The following KPNA4 variants were observed in gnomAD, a reference collection of about 807,000 sequenced individuals.
KPNA4 encodes importin subunit alpha-3.
A neutral mutation model predicts 71.3 loss-of-function variants in KPNA4; 13 were observed. The ratio of observed to expected loss-of-function variants is 0.18; its 90% CI spans 0.12 to 0.29. The LOEUF (loss-of-function observed/expected upper bound fraction) is 0.29. KPNA4 is among the 10% of genes least tolerant of loss of function. KPNA4 has a pLI of 1.00. For missense variants in KPNA4, 334 were observed against 603.2 expected (o/e 0.55, Z 4.67); for synonymous variants, 189 against 195.2 (o/e 0.97, Z 0.26).
At chr3:160,555,812 T>A (rs916886442) in intron 1 of KPNA4, among the ~76,000 whole-genome samples, 1 of 151,906 alleles carries the variant, frequency 6.6e-6, no homozygotes, top group Admixed American at 6.6e-5. Context: ...TCTTTTATTT[T>A]ATTTATTTAA....
intron 16 of KPNA4, among the ~76,000 whole-genome samples, chr3:160,504,641 T>C (rs1273520542): frequency 6.6e-6 from 1 of 152,220 alleles, no homozygotes; most frequent in African/African-American, 2.4e-5. Flanking sequence ...AGTATCACTG[T>C]TTTGTTTATA....
At chr3:160,519,713 TGAACCCGG>T (rs1721305405) in intron 11 of KPNA4, among the ~76,000 whole-genome samples, 2 of 145,404 alleles carry the variant, frequency 1.4e-5, no homozygotes, top group Admixed American at 1.5e-4. Context: ...GAGAATGGCG[TGAACCCGG>T]GAAGCGGAGC....
chr3:160,533,529 T>C (rs889224599), intron 5 of KPNA4, among the ~76,000 whole-genome samples: 5 of 152,036 alleles, frequency 3.3e-5, no homozygotes, highest in South Asian at 2.1e-4. Context: ...GGGTCAAAAT[T>C]TAATTTAAAA....
rs1201485080 is a variant in KPNA4, at chr3:160,496,380, G to A, written c.*5724C>T. On this transcript the variant is annotated 3_prime_UTR_variant, in exon 17 of 17. Transcript: ENST00000334256. The stretch of plus-strand genomic sequence containing the variant: ...GGACAGTGAGGGAATTATCTGGAAG[G>A]TAGGTAACTGGATTGAGAACCACAA... 3 of 152,200 alleles carry A rather than the reference G, an allele frequency of 2.0e-5. No individual in the cohort carries two copies. In the East Asian group the frequency reaches 5.8e-4, roughly 29 times the overall value. The allele number at this position is 152,200 out of a possible 1,614,324, so 9.4% of individuals were successfully genotyped here. A position where few individuals can be genotyped will look rare whatever the true frequency, so the allele number is the denominator to read the frequency against.
chr3:160,502,979 C>A (rs1262923725), intron 16 of KPNA4, among the ~76,000 whole-genome samples: 1 of 152,098 alleles, frequency 6.6e-6, no homozygotes, highest in African/African-American at 2.4e-5. Flanking sequence ...GGCATGGTGG[C>A]ATGCGCCTAT....
In KPNA4 at chr3:160,514,015, TCA is replaced by T. The variant is rs113272705; in HGVS notation, c.1137+60_1137+61del. On this transcript the variant is annotated intron_variant, in intron 13 of 16. Transcript: ENST00000334256. ...AGAAAGTATAAATTCACATAATGTC[TCA>T]GATTTAAATCCCCTTCCCCTTACAT... 477 of 932,626 alleles carry T rather than the reference TCA, an allele frequency of 5.1e-4. 7 individuals are homozygous for T. In the African/African-American group the frequency reaches 6.7e-3, roughly 13 times the overall value. The allele number at this position is 932,626 out of a possible 1,614,324, so 57.8% of individuals were successfully genotyped here. A position where few individuals can be genotyped will look rare whatever the true frequency, so the allele number is the denominator to read the frequency against.
At position 160,497,294 on chromosome 3, in the gene KPNA4, A is replaced by T. The variant is rs537250708; in HGVS notation, c.*4810T>A. On this transcript the variant is annotated 3_prime_UTR_variant, in exon 17 of 17. Coordinates refer to ENST00000334256, the MANE Select transcript of KPNA4 (RefSeq NM_002268.5). ...GCCAGGCGTGGTAGCGTACTCCTGT[A>T]ATCCCAGCTACTCAGGAGGCTGAGG... 1 of 152,266 alleles carries T rather than the reference A, an allele frequency of 6.6e-6. No individual in the cohort carries two copies. The highest frequency in any genetic ancestry group is 2.1e-4 in the South Asian group (1 of 4,820). 9.4% of individuals were successfully genotyped at this position (152,266 alleles called of 1,614,324 possible).
At chr3:160,552,934 T>TA (rs1406793668) in intron 1 of KPNA4, among the ~76,000 whole-genome samples, 2 of 152,086 alleles carry the variant, frequency 1.3e-5, no homozygotes, top group Non-Finnish European at 2.9e-5. Context: ...GTATGGAAGC[T>TA]AAATGTGGTC....
chr3:160,558,549 A>G (rs1722183486), intron 1 of KPNA4, among the ~76,000 whole-genome samples: 1 of 152,186 alleles, frequency 6.6e-6, no homozygotes, highest in South Asian at 2.1e-4. Flanking sequence ...AAGTGACTCT[A>G]CAGTCCATGT....
intron 5 of KPNA4, 124 bp from the exon 6 acceptor site, chr3:160,531,681 TTAACAATTTATA>T (rs1277021914): frequency 8.8e-6 from 4 of 454,342 alleles, no homozygotes; most frequent in African/African-American, 8.1e-5. Context: ...TTCTCTGAAA[TTAACAATTTATA>T]TAATGCAACC....
chr3:160,508,318 G>A, intron 14 of KPNA4, 49 bp from the exon 15 acceptor site: 2 of 1,346,106 alleles, frequency 1.5e-6, no homozygotes, highest in Non-Finnish European at 2.0e-6. Context: ...TAAACTTTGT[G>A]TGCCATGTTA....
chr3:160,538,174 T>C (rs919644300), intron 1 of KPNA4, among the ~76,000 whole-genome samples: 1 of 150,530 alleles, frequency 6.6e-6, no homozygotes, highest in African/African-American at 2.4e-5. Flanking sequence ...TGTGTATATA[T>C]GTACATATAT....
At chr3:160,512,666 T>C (rs1158511999) in intron 13 of KPNA4, among the ~76,000 whole-genome samples, 1 of 152,168 alleles carries the variant, frequency 6.6e-6, no homozygotes, top group Non-Finnish European at 1.5e-5. Flanking sequence ...ACCGCATCTC[T>C]ACTAAAAATA....
rs1243570640 is a variant in KPNA4 at position 160,540,769 on chromosome 3, A to G, written c.70-3929T>C. On this transcript the variant is annotated intron_variant, in intron 1 of 16. Coordinates refer to ENST00000334256, the MANE Select transcript of KPNA4 (RefSeq NM_002268.5). Reference sequence around the variant, plus strand: ...TCCAGAAAGCTGACAAACTGGCCAAAGGCTTATGTATAGGCCAGAGAGCTA... The same window carrying G: ...TCCAGAAAGCTGACAAACTGGCCAAGGGCTTATGTATAGGCCAGAGAGCTA... 2.0e-5 allele frequency among the ~76,000 whole-genome samples: 3 copies of G among 152,208 alleles called. No homozygotes were observed. In the East Asian group the frequency reaches 5.8e-4, roughly 29 times the overall value.
chr3:160,544,538 T>C (rs944302697), intron 1 of KPNA4, among the ~76,000 whole-genome samples: 12 of 152,214 alleles, frequency 7.9e-5, no homozygotes, highest in Admixed American at 2.6e-4. Flanking sequence ...CATGCCAGCA[T>C]GGGTGACAGA....
At chr3:160,521,023 C>CAATAAAAAATAAATTTAAAT (rs1230752288) in intron 11 of KPNA4, among the ~76,000 whole-genome samples, 2 of 151,902 alleles carry the variant, frequency 1.3e-5, no homozygotes, top group Non-Finnish European at 2.9e-5. Context: ...AGAATTTAAA[C>CAATAAAAAATAAATTTAAAT]AATAAAAAAT....
At position 160,565,276 on chromosome 3, in the gene KPNA4, C is replaced by G. The variant is rs1406102421; in HGVS notation, c.7G>C (p.Asp3His). 6.2e-7 allele frequency: 1 copy of G among 1,603,216 alleles called. No individual in the cohort carries two copies. Among genetic ancestry groups the G allele is most frequent in the Non-Finnish European group, 8.5e-7 (1 of 1,175,092 alleles). The stretch of plus-strand genomic sequence containing the variant: ...CGTTGGTTGTCCAGTTTCTCGTTGT[C>G]CGCCATGGCCGGGCCGGTGACTCCT... MADNEKLDNQRLK... is the reference protein window; with the variant it reads MAHNEKLDNQRLK... Residue 3 changes from aspartate (D) to histidine (H), a missense_variant, in exon 1 of 17, where the codon GAC (aspartate) becomes CAC (histidine). Transcript: ENST00000334256.
chr3:160,563,218 T>C (rs78153468), intron 1 of KPNA4, among the ~76,000 whole-genome samples: 6,024 of 152,220 alleles, frequency 0.04, 369 homozygotes, highest in African/African-American at 0.13. Flanking sequence ...CCATGAAACA[T>C]TGATACATTC....
chr3:160,546,870 A>G (rs1022882529), intron 1 of KPNA4, among the ~76,000 whole-genome samples: 6 of 152,184 alleles, frequency 3.9e-5, no homozygotes, highest in Non-Finnish European at 7.3e-5. Context: ...ACAAAACTAA[A>G]ACTGAGCCCT....
Sources: gnomAD v4.1 joint callset for allele counts (sites outside exome capture counted in the v4.1 genomes callset) on GRCh38, gnomAD v4.1.1 for gene constraint, MANE v1.5 for transcripts, NCBI Gene and HGNC (gene_info 2026-07-23, HGNC 2026-07-21) for gene names.